Variants in UBE2R2 observed in about 807,000 individuals in gnomAD.
UBE2R2 encodes the protein ubiquitin conjugating enzyme E2 R2, also known as ubiquitin-conjugating enzyme E2 R2.
Under a neutral mutation model 27.8 loss-of-function variants are expected in UBE2R2, and 1 was observed. That is an observed-to-expected ratio of 0.04 (90% CI 0.01 to 0.17). The LOEUF (loss-of-function observed/expected upper bound fraction) is 0.17. Ranked by LOEUF, UBE2R2 falls within the 10% of genes least tolerant of loss-of-function variation. UBE2R2 has a pLI of 1.00. For synonymous variants in UBE2R2, 106 were observed against 113.3 expected, an observed-to-expected ratio of 0.94 and a Z score of 0.41; for missense variants, 100 against 291.0, an observed-to-expected ratio of 0.34 and a Z score of 4.78.
At chr9:33,907,547 G>A (rs1822380794) in intron 3 of UBE2R2, among the ~76,000 whole-genome samples, 1 of 152,008 alleles carries the variant, frequency 6.6e-6, no homozygotes, top group African/African-American at 2.4e-5. Context: ...CATGTATTCT[G>A]CTGGATTGAG....
chr9:33,852,723 A>G (rs1820994574), intron 1 of UBE2R2, among the ~76,000 whole-genome samples: 1 of 151,930 alleles, frequency 6.6e-6, no homozygotes, highest in South Asian at 2.1e-4. Flanking sequence ...AGTTTTCTTC[A>G]TATTAACAAG....
At chr9:33,821,358 A>G (rs961369518) in intron 1 of UBE2R2, among the ~76,000 whole-genome samples, 4 of 151,700 alleles carry the variant, frequency 2.6e-5, no homozygotes, top group Non-Finnish European at 4.4e-5. Flanking sequence ...GGGTCTCACT[A>G]TTTTGTCCAG....
intron 1 of UBE2R2, among the ~76,000 whole-genome samples, chr9:33,885,593 T>C (rs1237653095): frequency 6.6e-6 from 1 of 152,238 alleles, no homozygotes; most frequent in Non-Finnish European, 1.5e-5. Context: ...CTCCAGGGCC[T>C]GTCAGCTTCC....
intron 3 of UBE2R2, among the ~76,000 whole-genome samples, chr9:33,901,912 C>CTT (rs529372244): frequency 7.6e-5 from 10 of 132,264 alleles, no homozygotes; most frequent in African/African-American, 2.5e-4. Context: ...TCTCATATTT[C>CTT]TTTTTTTTTT....
At chr9:33,895,269 G>A (rs773137516) in intron 2 of UBE2R2, among the ~76,000 whole-genome samples, 1 of 152,106 alleles carries the variant, frequency 6.6e-6, no homozygotes, top group Non-Finnish European at 1.5e-5. Flanking sequence ...TTTGTTTGTA[G>A]AAATCCAGTT....
rs187990353 is a variant in UBE2R2 at position 33,892,169 on chromosome 9, A to C, written c.264+5202A>C. The stretch of plus-strand genomic sequence containing the variant: ...AATTTGTCATCAGTGATGGTACTGC[A>C]CAATCTATTTCCTTTCTGTTTTGCA... On this transcript the variant is annotated intron_variant, in intron 2 of 4. Transcript: ENST00000263228. Among the ~76,000 whole-genome samples, 8 of 152,290 alleles carry C rather than the reference A, an allele frequency of 5.3e-5. No individual in the cohort carries two copies. In the East Asian group the frequency reaches 1.4e-3, roughly 26 times the overall value.
intron 1 of UBE2R2, among the ~76,000 whole-genome samples, chr9:33,857,485 G>A (rs1316201762): frequency 6.6e-6 from 1 of 151,492 alleles, no homozygotes; most frequent in Non-Finnish European, 1.5e-5. Flanking sequence ...CACCTGGCTA[G>A]TTTTATATTT....
At chr9:33,844,701 A>G (rs1447279218) in intron 1 of UBE2R2, among the ~76,000 whole-genome samples, 1 of 152,114 alleles carries the variant, frequency 6.6e-6, no homozygotes, top group Non-Finnish European at 1.5e-5. Context: ...TCAAATAAAC[A>G]ACTGAGCTGT....
In UBE2R2 at chr9:33,919,336, C is replaced by T. The variant is rs1822739978; in HGVS notation, c.*2099C>T. 6.6e-6 allele frequency: 1 copy of T among 152,076 alleles called. No individual in the cohort carries two copies. The highest frequency in any genetic ancestry group is 1.5e-5 in the Non-Finnish European group (1 of 68,052). The allele number at this position is 152,076 out of a possible 1,614,324, so 9.4% of individuals were successfully genotyped here. ...CCCCATGCAAGTTTACAGCCAGTAG[C>T]TTGGTCTTATTCTCTTGGAGCCCTA... is the stretch of plus-strand genomic sequence containing the variant. On this transcript the variant is annotated 3_prime_UTR_variant, in exon 5 of 5. Transcript: ENST00000263228.
chr9:33,817,738 C>A lies in UBE2R2; in HGVS notation c.-20C>A. 1 of 1,493,032 alleles carries A rather than the reference C, an allele frequency of 6.7e-7. No homozygotes were observed. Among genetic ancestry groups the A allele is most frequent in the Admixed American group, 2.2e-5 (1 of 44,482 alleles). The allele number at this position is 1,493,032 out of a possible 1,614,324, so 92.5% of individuals were successfully genotyped here. On this transcript the variant is annotated 5_prime_UTR_variant, in exon 1 of 5. Coordinates refer to ENST00000263228, the MANE Select transcript of UBE2R2 (RefSeq NM_017811.4). Reference sequence around the variant, plus strand: ...GGACTGGGGCCCGGGCCCGGCGCCGCCGCCGCCGCCGCCGCCGCGATGGCC... The same window carrying A: ...GGACTGGGGCCCGGGCCCGGCGCCGACGCCGCCGCCGCCGCCGCGATGGCC...
chr9:33,913,054 G>C (rs1005356943), intron 4 of UBE2R2, among the ~76,000 whole-genome samples: 3 of 151,510 alleles, frequency 2.0e-5, no homozygotes, highest in African/African-American at 7.3e-5. Context: ...TCTATCTCCT[G>C]GGTTCAAGCA....
At chr9:33,880,808 A>T (rs184301183) in intron 1 of UBE2R2, among the ~76,000 whole-genome samples, 1 of 152,262 alleles carries the variant, frequency 6.6e-6, no homozygotes, top group East Asian at 1.9e-4. Context: ...TGAACTGGGC[A>T]TGTGAGGGAT....
At chr9:33,915,757 A>G (rs1361825724) in intron 4 of UBE2R2, among the ~76,000 whole-genome samples, 1 of 152,134 alleles carries the variant, frequency 6.6e-6, no homozygotes, top group East Asian at 1.9e-4. Flanking sequence ...CTCACATTCA[A>G]ATATGTGGAG....
intron 1 of UBE2R2, among the ~76,000 whole-genome samples, chr9:33,862,320 T>C (rs533652035): frequency 5.0e-4 from 76 of 152,324 alleles, no homozygotes; most frequent in African/African-American, 1.8e-3. Flanking sequence ...CCCCATTCGG[T>C]TGTCATACAC....
chr9:33,917,232 T>A lies in UBE2R2; in HGVS notation c.712T>A (p.Ser238Thr). The A allele has an allele frequency of 6.2e-7, 1 of 1,613,564 alleles. No homozygotes were observed. The highest frequency in any genetic ancestry group is 8.5e-7 in the Non-Finnish European group (1 of 1,179,894). Residue 238 changes from serine (S) to threonine (T), a missense_variant, in exon 5 of 5, where the codon TCG (serine) becomes ACG (threonine). By Grantham distance (58) the Ser-to-Thr change is moderately conservative (BLOSUM62 1). Transcript: ENST00000263228. ...YDDDDSGNEE[S>T] ...TGATGATGATTCTGGGAATGAGGAG[T>A]CGTGACGTGCTCCTTCAGTGCCCCT...
intron 1 of UBE2R2, among the ~76,000 whole-genome samples, chr9:33,877,889 G>A (rs1405243472): frequency 7.1e-6 from 1 of 141,122 alleles, no homozygotes; most frequent in Non-Finnish European, 1.5e-5. Flanking sequence ...CTGAATAGCT[G>A]GCATTACAGG....
rs1305206144 is a variant in UBE2R2, at chr9:33,832,877, C to A, written c.177+14943C>A. 2.6e-5 allele frequency among the ~76,000 whole-genome samples: 4 copies of A among 151,840 alleles called. No individual in the cohort carries two copies. In the South Asian group the frequency reaches 8.3e-4, roughly 31 times the overall value. Reference sequence around the variant, plus strand: ...ATGAATTTTGATAAATGTATAGTCACATTCAGTTTTTTAAAGAAAAAGATG... The same window carrying A: ...ATGAATTTTGATAAATGTATAGTCAAATTCAGTTTTTTAAAGAAAAAGATG... On this transcript the variant is annotated intron_variant, in intron 1 of 4. Transcript: ENST00000263228.
intron 1 of UBE2R2, among the ~76,000 whole-genome samples, chr9:33,837,331 ATC>A (rs1482358873): frequency 1.3e-5 from 2 of 151,164 alleles, no homozygotes; most frequent in Admixed American, 6.6e-5. Context: ...CGATATTCTT[ATC>A]TCAGCCCCGA....
chr9:33,906,173 A>G (rs1196208711), intron 3 of UBE2R2, among the ~76,000 whole-genome samples: 1 of 151,862 alleles, frequency 6.6e-6, no homozygotes. Context: ...GCCCAGCTGG[A>G]GTGCAATGGT....
Sources: allele counts gnomAD v4.1 joint callset (sites outside exome capture counted in the v4.1 genomes callset), GRCh38; gene constraint gnomAD v4.1.1; transcripts MANE v1.5; gene names NCBI Gene and HGNC (gene_info 2026-07-23, HGNC 2026-07-21).